Variants in CRB2 observed in about 807,000 individuals in gnomAD.
CRB2 encodes the protein protein crumbs homolog 2.
Under a neutral mutation model 110.9 loss-of-function variants are expected in CRB2, and 85 were observed. The ratio of observed to expected loss-of-function variants is 0.77; its 90% CI spans 0.64 to 0.92. The LOEUF (loss-of-function observed/expected upper bound fraction) is 0.92. Among genes scored for constraint, CRB2 ranks in the 40% least tolerant of loss-of-function variants. The pLI is 0.00. For synonymous variants in CRB2, 907 were observed against 831.0 expected (o/e 1.09, Z -1.57); for missense variants, 1,843 against 1,851.3 (o/e 1.00, Z 0.08).
At position 123,373,481 on chromosome 9, in the gene CRB2, G is replaced by C; in HGVS notation, c.2950G>C (p.Val984Leu). ...GTGGCTGGATGGTGCCGCCACCCCG[G>C]TGGCGCTGCGCGGCCTGGCCAGTGA... ...LLWLDGAATPVALRGLASDLG... is the reference protein window; with the variant it reads ...LLWLDGAATPLALRGLASDLG... Residue 984 changes from valine (V) to leucine (L), a missense_variant, in exon 10 of 13, where the codon GTG becomes CTG. By Grantham distance (32) the Val-to-Leu change is conservative (BLOSUM62 1). Transcript: ENST00000373631. 6.9e-7 allele frequency: 1 copy of C among 1,448,696 alleles called. No homozygotes were observed. Among genetic ancestry groups the C allele is most frequent in the South Asian group, 1.4e-5 (1 of 73,134 alleles). The allele number at this position is 1,448,696 out of a possible 1,614,324, so 89.7% of individuals were successfully genotyped here. A position where few individuals can be genotyped will look rare whatever the true frequency, so the allele number is the denominator to read the frequency against.
downstream of CRB2, among the ~76,000 whole-genome samples, chr9:123,378,926 G>A (rs1249044886): frequency 1.4e-5 from 2 of 144,148 alleles, no homozygotes; most frequent in African/African-American, 5.2e-5. Context: ...GCAATTCCCT[G>A]CCTCAGCCTC....
chr9:123,358,295 G>A (rs1156390876), intron 1 of CRB2, among the ~76,000 whole-genome samples: 1 of 152,214 alleles, frequency 6.6e-6, no homozygotes, highest in East Asian at 1.9e-4. Flanking sequence ...GGCCCGGCTG[G>A]TTGCCATGGA....
chr9:123,361,047 C>T (rs1189677526), intron 1 of CRB2, among the ~76,000 whole-genome samples: 2 of 152,118 alleles, frequency 1.3e-5, no homozygotes, highest in African/African-American at 2.4e-5. Context: ...CCTCCCCCGC[C>T]CCCCAGGATC....
chr9:123,375,179 T>C, intron 11 of CRB2, 38 bp from the exon 12 acceptor site: 1 of 1,610,264 alleles, frequency 6.2e-7, no homozygotes. Context: ...GAGGCAGCCA[T>C]GGGGGAAGCC....
chr9:123,365,139 T>A (rs2041914440), intron 2 of CRB2, among the ~76,000 whole-genome samples: 2 of 152,144 alleles, frequency 1.3e-5, no homozygotes, highest in Non-Finnish European at 2.9e-5. Context: ...GGCATGCACC[T>A]GTAATCCCAG....
intron 6 of CRB2, chr9:123,368,937 C>A: frequency 3.2e-6 from 4 of 1,247,222 alleles, no homozygotes; most frequent in Non-Finnish European, 4.1e-6. Context: ...CCACCTGTGG[C>A]TCCTGGCAGG....
chr9:123,365,738 G>C (rs1222722572), intron 2 of CRB2, among the ~76,000 whole-genome samples, 179 bp from the exon 3 acceptor site: 3 of 152,206 alleles, frequency 2.0e-5, no homozygotes, highest in South Asian at 2.1e-4. Flanking sequence ...TGTCTGTCTC[G>C]TTTCTCTCCC....
At position 123,373,699 on chromosome 9, in the gene CRB2, C is replaced by CGCGCCCGTGTGT. The variant is rs1167546199; in HGVS notation, c.3175_3186dup (p.Val1059_Pro1062dup). 2 of 1,492,190 alleles carry CGCGCCCGTGTGT rather than the reference C, an allele frequency of 1.3e-6. No individual in the cohort carries two copies. Among genetic ancestry groups the CGCGCCCGTGTGT allele is most frequent in the East Asian group, 2.8e-5 (1 of 35,348 alleles). The allele number at this position is 1,492,190 out of a possible 1,614,324, so 92.4% of individuals were successfully genotyped here. A position where few individuals can be genotyped will look rare whatever the true frequency, so the allele number is the denominator to read the frequency against. On this transcript the variant is annotated inframe_insertion, in exon 10 of 13. Transcript: ENST00000373631. ...CGGCCCCGATCCTCGGCTGCCGCGG[C>CGCGCCCGTGTGT]GCGCCCGTGTGTGCGCCCTCGCCCT...
intron 4 of CRB2, 114 bp downstream of exon 4, chr9:123,366,480 G>T: frequency 7.7e-7 from 1 of 1,301,452 alleles, no homozygotes; most frequent in Non-Finnish European, 1.0e-6. Flanking sequence ...GGGTCCTCGG[G>T]ACCAGAGTGT....
chr9:123,362,658 T>C (rs1036434827), intron 1 of CRB2, among the ~76,000 whole-genome samples: 1 of 152,122 alleles, frequency 6.6e-6, no homozygotes, highest in African/African-American at 2.4e-5. Flanking sequence ...CTCTGCTATA[T>C]AGGCTCTCCT....
At chr9:123,366,155 G>A (rs1241746437) in intron 3 of CRB2, 43 bp downstream of exon 3, 2 of 1,377,596 alleles carry the variant, frequency 1.5e-6, no homozygotes, top group Admixed American at 3.8e-5. Flanking sequence ...CCGGGTGCCC[G>A]AGGGCGGGGA....
chr9:123,361,967 A>G (rs1564369039), intron 1 of CRB2, among the ~76,000 whole-genome samples: 1 of 152,030 alleles, frequency 6.6e-6, no homozygotes, highest in East Asian at 1.9e-4. Flanking sequence ...CCGGTTGGTG[A>G]CCCTCTGTTA....
In CRB2 at chr9:123,375,342, C is replaced by T. The variant is rs373728312; in HGVS notation, c.3632C>T (p.Ala1211Val). The change falls in exon 12 of 13, where the codon GCG becomes GTG. Residue 1211 changes from alanine to valine, a missense_variant and splice_region_variant. By Grantham distance (64) the Ala-to-Val change is moderately conservative. Coordinates refer to ENST00000373631, the MANE Select transcript of CRB2 (RefSeq NM_173689.7). Reference sequence around the variant, plus strand: ...TTCTCCGGCCAGTTCTGTGAAGTGGCGGTGAGTGTTGTCAGGGGTGAGGGG... The same window carrying T: ...TTCTCCGGCCAGTTCTGTGAAGTGGTGGTGAGTGTTGTCAGGGGTGAGGGG... ...ARFSGQFCEV[A>V]KGLPLPLPFP... The T allele has an allele frequency of 1.3e-5, 20 of 1,585,396 alleles. No homozygotes were observed. Among genetic ancestry groups the T allele is most frequent in the African/African-American group, 2.7e-5 (2 of 74,418 alleles).
At chr9:123,379,026 C>T (rs547890160), downstream of CRB2, among the ~76,000 whole-genome samples, 8 of 151,820 alleles carry the variant, frequency 5.3e-5, no homozygotes, top group East Asian at 5.8e-4. Context: ...TGACCGACCT[C>T]GTGATCCACC....
chr9:123,374,833 C>T (rs2042079494), intron 11 of CRB2, 138 bp downstream of exon 11: 1 of 641,044 alleles, frequency 1.6e-6, no homozygotes, highest in African/African-American at 1.8e-5. Context: ...ACTTGAGTTT[C>T]CTTCCATGAC....
At chr9:123,370,057 T>C in intron 6 of CRB2, 51 bp from the exon 7 acceptor site, 1 of 1,542,002 alleles carries the variant, frequency 6.5e-7, no homozygotes, top group Non-Finnish European at 8.7e-7. Flanking sequence ...GGGTCAGTAC[T>C]GTGATTCTGG....
In CRB2 at chr9:123,372,314, G is replaced by T; in HGVS notation, c.2574G>T (p.Thr858=). The T allele has an allele frequency of 6.2e-7, 1 of 1,606,326 alleles. No individual in the cohort carries two copies. The highest frequency in any genetic ancestry group is 1.1e-5 in the South Asian group (1 of 89,382). Residue 858 remains threonine (T), a synonymous_variant, in exon 9 of 13, where the codon ACG becomes ACT. Transcript: ENST00000373631. ...GCCAGCCCTGTCTCCCACCTGCCAC[G>T]TGTGAGGAGGTCCCTGATGGCTTTG... The part of the protein sequence containing the change: ...CPGQPCLPPA[T]CEEVPDGFVC...
At chr9:123,360,489 G>A (rs1251839482) in intron 1 of CRB2, among the ~76,000 whole-genome samples, 1 of 152,158 alleles carries the variant, frequency 6.6e-6, no homozygotes, top group African/African-American at 2.4e-5. Flanking sequence ...GTCTGGCCTG[G>A]GCTATCGTGG....
At position 123,370,586 on chromosome 9, in the gene CRB2, C is replaced by A. The variant is rs1450889698; in HGVS notation, c.1533C>A (p.Asp511Glu). 5 of 1,613,254 alleles carry A rather than the reference C, an allele frequency of 3.1e-6. No individual in the cohort carries two copies. Among genetic ancestry groups the A allele is most frequent in the Non-Finnish European group, 4.2e-6 (5 of 1,180,034 alleles). ...STTVLVLRLP[D>E]LALNDGHWHQ... ...CTGTGCTTGTCCTGAGACTGCCGGACCTGGCCCTAAACGATGGCCATTGGC... is the reference window on the plus strand; with the variant it reads ...CTGTGCTTGTCCTGAGACTGCCGGAACTGGCCCTAAACGATGGCCATTGGC... Residue 511 changes from aspartate to glutamate, a missense_variant, in exon 7 of 13, where the codon GAC becomes GAA. Coordinates refer to ENST00000373631, the MANE Select transcript of CRB2 (RefSeq NM_173689.7).
Sources: allele counts gnomAD v4.1 joint callset (sites outside exome capture counted in the v4.1 genomes callset), GRCh38; gene constraint gnomAD v4.1.1; transcripts MANE v1.5; gene names NCBI Gene and HGNC (gene_info 2026-07-23, HGNC 2026-07-21).